CAMKMT: variants seen among roughly 807,000 people sequenced by gnomAD.
The protein encoded by CAMKMT is calmodulin-lysine N-methyltransferase.
Under a neutral mutation model 48.0 loss-of-function variants are expected in CAMKMT, and 53 were observed. The ratio of observed to expected loss-of-function variants is 1.10; its 90% CI spans 0.89 to 1.39. CAMKMT has a LOEUF of 1.39. Among genes scored for constraint, CAMKMT ranks in the 40% most tolerant of loss-of-function variants. The pLI, the probability that CAMKMT is intolerant of heterozygous loss-of-function variation, is 0.00. For synonymous variants in CAMKMT, 165 were observed against 152.3 expected, an observed-to-expected ratio of 1.08 and a Z score of -0.61; for missense variants, 428 against 402.7, an observed-to-expected ratio of 1.06 and a Z score of -0.54.
intron 3 of CAMKMT, among the ~76,000 whole-genome samples, chr2:44,516,378 C>T (rs1188238481): frequency 6.6e-6 from 1 of 152,132 alleles, no homozygotes; most frequent in East Asian, 1.9e-4. Context: ...GGGCTTGAGT[C>T]TTAGCCAGAT....
intron 3 of CAMKMT, among the ~76,000 whole-genome samples, chr2:44,517,722 T>C (rs1670905378): frequency 6.6e-6 from 1 of 152,176 alleles, no homozygotes; most frequent in African/African-American, 2.4e-5. Context: ...GCCATAAATA[T>C]TTCATCTCTC....
intron 3 of CAMKMT, among the ~76,000 whole-genome samples, chr2:44,663,197 G>T (rs566009457): frequency 6.6e-6 from 1 of 152,218 alleles, no homozygotes; most frequent in South Asian, 2.1e-4. Flanking sequence ...ATCCCACTAA[G>T]GTCCTTTATA....
intron 3 of CAMKMT, among the ~76,000 whole-genome samples, chr2:44,429,899 G>A (rs1454553387): frequency 1.3e-5 from 2 of 150,142 alleles, no homozygotes; most frequent in Non-Finnish European, 3.0e-5. Flanking sequence ...CTCATTATAT[G>A]ATCTTGTTAA....
intron 2 of CAMKMT, among the ~76,000 whole-genome samples, chr2:44,389,222 CTCT>C (rs1479501247): frequency 2.0e-5 from 3 of 152,076 alleles, no homozygotes; most frequent in East Asian, 1.9e-4. Flanking sequence ...CCAATACCTC[CTCT>C]TCTTATAAAG....
intron 3 of CAMKMT, among the ~76,000 whole-genome samples, chr2:44,666,762 G>T (rs369607335): frequency 1.3e-5 from 2 of 151,990 alleles, no homozygotes; most frequent in Non-Finnish European, 2.9e-5. Flanking sequence ...GGCGCGAGCC[G>T]CCATGCCCGG....
intron 3 of CAMKMT, among the ~76,000 whole-genome samples, chr2:44,463,907 A>C (rs922683812): frequency 2.6e-5 from 4 of 152,216 alleles, no homozygotes; most frequent in Non-Finnish European, 5.9e-5. Flanking sequence ...TTTCAAATGC[A>C]AAAATCACAA....
intron 9 of CAMKMT, among the ~76,000 whole-genome samples, chr2:44,756,658 C>T (rs1303952215): frequency 6.6e-6 from 1 of 151,060 alleles, no homozygotes; most frequent in Non-Finnish European, 1.5e-5. Flanking sequence ...AGGAGAATGG[C>T]GTGAACCCTG....
intron 3 of CAMKMT, among the ~76,000 whole-genome samples, chr2:44,518,400 G>C (rs890658407): frequency 4.6e-5 from 7 of 151,838 alleles, no homozygotes; most frequent in South Asian, 2.1e-4. Flanking sequence ...TGCTATTTTT[G>C]AAAATAAAAA....
intron 3 of CAMKMT, among the ~76,000 whole-genome samples, chr2:44,504,386 G>A (rs551599867): frequency 6.6e-6 from 1 of 152,248 alleles, no homozygotes; most frequent in South Asian, 2.1e-4. Context: ...TTGAATTTAT[G>A]TTTAATTCTT....
intron 3 of CAMKMT, among the ~76,000 whole-genome samples, chr2:44,487,608 G>A (rs545962515): frequency 2.8e-4 from 42 of 152,264 alleles, no homozygotes; most frequent in African/African-American, 9.4e-4. Context: ...CCAGGTAACC[G>A]GAGTGAAGAC....
intron 1 of CAMKMT, among the ~76,000 whole-genome samples, chr2:44,371,550 T>G (rs1330864941): frequency 6.6e-6 from 1 of 152,182 alleles, no homozygotes; most frequent in Non-Finnish European, 1.5e-5. Flanking sequence ...TGAAGTTATT[T>G]TATATCTAAG....
chr2:44,491,183 G>A (rs1669485150), intron 3 of CAMKMT, among the ~76,000 whole-genome samples: 1 of 149,924 alleles, frequency 6.7e-6, no homozygotes, highest in Non-Finnish European at 1.5e-5. Flanking sequence ...TAAATGCAGA[G>A]TATTCCAGAG....
In CAMKMT at chr2:44,624,896, A is replaced by G. The variant is rs185899295; in HGVS notation, c.377-79387A>G. Among the ~76,000 whole-genome samples the G allele has an allele frequency of 1.7e-3, 265 of 152,274 alleles. 2 individuals carry two copies. Among genetic ancestry groups the G allele is most frequent in the East Asian group, 5.6e-3 (29 of 5,182 alleles). ...TCTAGTTCTAGATCCCTGAGGAATC[A>G]CCACACTGACTTCCACAATGGTTGA... is the stretch of plus-strand genomic sequence containing the variant. On this transcript the variant is annotated intron_variant, in intron 3 of 10. Transcript: ENST00000378494.
At chr2:44,586,974 A>G (rs1260652982) in intron 3 of CAMKMT, among the ~76,000 whole-genome samples, 1 of 152,180 alleles carries the variant, frequency 6.6e-6, no homozygotes, top group Admixed American at 6.5e-5. Context: ...AGTCCTTTCC[A>G]TTTTAGTCAT....
chr2:44,645,511 A>G (rs1429942745), intron 3 of CAMKMT, among the ~76,000 whole-genome samples: 1 of 152,162 alleles, frequency 6.6e-6, no homozygotes, highest in Admixed American at 6.5e-5. Flanking sequence ...AAAGGTCCTT[A>G]TTAAAATCAA....
intron 2 of CAMKMT, among the ~76,000 whole-genome samples, chr2:44,375,067 G>A (rs561250683): frequency 1.6e-4 from 24 of 152,112 alleles, no homozygotes; most frequent in Non-Finnish European, 2.9e-4. Context: ...GGATTTCAAG[G>A]CTGCAGTGAG....
chr2:44,363,869 T>G (rs1007585363), intron 1 of CAMKMT, among the ~76,000 whole-genome samples: 2 of 151,824 alleles, frequency 1.3e-5, no homozygotes, highest in Admixed American at 6.6e-5. Flanking sequence ...TTTTGTGTTT[T>G]TAGTAGAGAC....
At chr2:44,466,174 A>T (rs1247042795) in intron 3 of CAMKMT, among the ~76,000 whole-genome samples, 1 of 152,230 alleles carries the variant, frequency 6.6e-6, no homozygotes, top group South Asian at 2.1e-4. Flanking sequence ...TTATAGTCCA[A>T]TTGGATCTAA....
At position 44,557,993 on chromosome 2, in the gene CAMKMT, A is replaced by G. The variant is rs139586598; in HGVS notation, c.377-146290A>G. On this transcript the variant is annotated intron_variant, in intron 3 of 10. Coordinates refer to ENST00000378494, the MANE Select transcript of CAMKMT (RefSeq NM_024766.5). ...CTTACATAATGAGTTTCACCCAGGG[A>G]TGATCAACTGCAATACTATTGTGAG... Among the ~76,000 whole-genome samples the G allele has an allele frequency of 3.2e-3, 494 of 152,256 alleles. 1 individual carries two copies. Among genetic ancestry groups the G allele is most frequent in the African/African-American group, 0.011 (470 of 41,556 alleles).
Sources: allele counts gnomAD v4.1 joint callset (sites outside exome capture counted in the v4.1 genomes callset), GRCh38; gene constraint gnomAD v4.1.1; transcripts MANE v1.5; gene names NCBI Gene and HGNC (gene_info 2026-07-23, HGNC 2026-07-21).